Variants in CHRAC1 observed in about 807,000 individuals in gnomAD.
CHRAC1 encodes chromatin accessibility complex subunit 1, also known as chromatin accessibility complex protein 1.
A neutral mutation model predicts 9.1 loss-of-function variants in CHRAC1; 6 were observed. The ratio of observed to expected loss-of-function variants is 0.66; its 90% CI spans 0.36 to 1.29. The LOEUF is 1.29. CHRAC1 is among the 50% of genes most tolerant of loss of function. CHRAC1 has a pLI of 0.03. For synonymous variants in CHRAC1, 73 were observed against 64.5 expected (o/e 1.13, Z -0.63); for missense variants, 168 against 163.5 (o/e 1.03, Z -0.15).
intron 1 of CHRAC1, 34 bp downstream of exon 1, chr8:140,511,680 T>TA (rs768781428): frequency 7.7e-7 from 1 of 1,299,172 alleles, no homozygotes; most frequent in Non-Finnish European, 9.8e-7. Flanking sequence ...GGGCCGCCCT[T>TA]ACCCCTCGCG....
rs57880666 is a variant in CHRAC1 at position 140,513,913 on chromosome 8, C to CTTTTTT, written c.148-436_148-431dup. ...ATGTTTTTCTTTTCCCCAGTGATTT[C>CTTTTTT]TTTTTTTTTTTTTTTTTTTTTTTTT... On this transcript the variant is annotated intron_variant, in intron 1 of 2. Transcript: ENST00000220913. Among the ~76,000 whole-genome samples, 146 of 87,458 alleles carry CTTTTTT rather than the reference C, an allele frequency of 1.7e-3. 4 individuals are homozygous for CTTTTTT. Among genetic ancestry groups the CTTTTTT allele is most frequent in the African/African-American group, 2.1e-3 (49 of 23,118 alleles). 57.4% of individuals were successfully genotyped at this position (87,458 alleles called of 152,430 possible).
rs750505738 is a variant in CHRAC1 at position 140,515,116 on chromosome 8, T to C, written c.275-10T>C. On this transcript the variant is annotated splice_polypyrimidine_tract_variant and intron_variant, in intron 2 of 2. Transcript: ENST00000220913. ...TAACCAATTGCTGATGTACGCTTTA[T>C]GTTTTTAAGATATATTACCAAAGAA... is the stretch of plus-strand genomic sequence containing the variant. The C allele has an allele frequency of 1.5e-5, 24 of 1,610,160 alleles. No homozygotes were observed. Among genetic ancestry groups the C allele is most frequent in the Non-Finnish European group, 1.9e-5 (22 of 1,177,092 alleles).
chr8:140,514,576 T>C, intron 2 of CHRAC1, 81 bp downstream of exon 2: 1 of 1,246,906 alleles, frequency 8.0e-7, no homozygotes, highest in Non-Finnish European at 1.1e-6. Context: ...TCCCTTCTGC[T>C]CTCACGGAAA....
In CHRAC1 at chr8:140,515,459, C is replaced by T; in HGVS notation, c.*212C>T. On this transcript the variant is annotated 3_prime_UTR_variant, in exon 3 of 3. Transcript: ENST00000220913. Reference sequence around the variant, plus strand: ...GCCAGAGGGAAAGCGACCCAGACAGCAGCCCCTCCTCGACAGGCCCACCCT... The same window carrying T: ...GCCAGAGGGAAAGCGACCCAGACAGTAGCCCCTCCTCGACAGGCCCACCCT... 1 of 396,672 alleles carries T rather than the reference C, an allele frequency of 2.5e-6. No homozygotes were observed. Among genetic ancestry groups the T allele is most frequent in the Non-Finnish European group, 4.4e-6 (1 of 225,132 alleles). 24.6% of individuals were successfully genotyped at this position (396,672 alleles called of 1,614,324 possible).
rs2072340628 is a variant in CHRAC1 at position 140,516,633 on chromosome 8, A to C, written c.*1386A>C. 1 of 152,146 alleles carries C rather than the reference A, an allele frequency of 6.6e-6. No individual in the cohort carries two copies. The highest frequency in any genetic ancestry group is 2.1e-4 in the South Asian group (1 of 4,832). The allele number at this position is 152,146 out of a possible 1,614,324, so 9.4% of individuals were successfully genotyped here. ...TTCCTCTCTTCTCCTGCCCCCTAGCAACCACTGGTGTTTTCTGTCCCTCTT... is the reference window on the plus strand; with the variant it reads ...TTCCTCTCTTCTCCTGCCCCCTAGCCACCACTGGTGTTTTCTGTCCCTCTT... On this transcript the variant is annotated 3_prime_UTR_variant, in exon 3 of 3. Coordinates refer to ENST00000220913, the MANE Select transcript of CHRAC1 (RefSeq NM_017444.6).
At chr8:140,514,206 TC>T in intron 1 of CHRAC1, 162 bp from the exon 2 acceptor site, 1 of 729,930 alleles carries the variant, frequency 1.4e-6, no homozygotes, top group Non-Finnish European at 2.0e-6. Flanking sequence ...ACGCCTGGCC[TC>T]CCCAGTGATT....
At chr8:140,512,817 G>T (rs1165309942) in intron 1 of CHRAC1, among the ~76,000 whole-genome samples, 1 of 152,176 alleles carries the variant, frequency 6.6e-6, no homozygotes, top group Admixed American at 6.5e-5. Flanking sequence ...GATTTATGCA[G>T]GCACTTCTGA....
intron 1 of CHRAC1, among the ~76,000 whole-genome samples, chr8:140,513,466 C>A (rs1452076969): frequency 6.6e-6 from 1 of 151,616 alleles, no homozygotes; most frequent in Admixed American, 6.6e-5. Context: ...GACGGAGTCT[C>A]GCTCTGTCGC....
At chr8:140,514,157 C>CA in intron 1 of CHRAC1, 1 of 397,596 alleles carries the variant, frequency 2.5e-6, no homozygotes, top group Non-Finnish European at 4.4e-6. Context: ...CCGCCTGCCT[C>CA]AGCCTCCCAA....
rs766747402 is a variant in CHRAC1, at chr8:140,515,346, T to G, written c.*99T>G. Reference sequence around the variant, plus strand: ...CACTGCCCGCTTTTAGCGTCTTCACTTCTTCACAGAGTTCCAGTGTGTGGT... The same window carrying G: ...CACTGCCCGCTTTTAGCGTCTTCACGTCTTCACAGAGTTCCAGTGTGTGGT... On this transcript the variant is annotated 3_prime_UTR_variant, in exon 3 of 3. Coordinates refer to ENST00000220913, the MANE Select transcript of CHRAC1 (RefSeq NM_017444.6). 2.7e-4 allele frequency: 346 copies of G among 1,274,204 alleles called. No individual in the cohort carries two copies. The highest frequency in any genetic ancestry group is 3.7e-4 in the Non-Finnish European group (338 of 910,332). 78.9% of individuals were successfully genotyped at this position (1,274,204 alleles called of 1,614,324 possible).
intron 1 of CHRAC1, 195 bp downstream of exon 1, chr8:140,511,841 T>C: frequency 2.6e-6 from 2 of 762,454 alleles, no homozygotes; most frequent in Non-Finnish European, 2.1e-6. Context: ...CTCGCGCGTC[T>C]TCGCCCCGCC....
intron 2 of CHRAC1, 95 bp downstream of exon 2, chr8:140,514,590 A>G: frequency 8.9e-7 from 1 of 1,124,806 alleles, no homozygotes. Flanking sequence ...ACGGAAAATT[A>G]GACTTTTTGC....
Position 140,511,352 on chromosome 8 carries a change from C to A in CHRAC1, c.-148C>A. Reference sequence around the variant, plus strand: ...GGAGCTCGTAGTTTCCCGGACGGGCCGCTCCCGGCCTCGCGGCCTCGCCTC... The same window carrying A: ...GGAGCTCGTAGTTTCCCGGACGGGCAGCTCCCGGCCTCGCGGCCTCGCCTC... On this transcript the variant is annotated 5_prime_UTR_variant, in exon 1 of 3. Coordinates refer to ENST00000220913, the MANE Select transcript of CHRAC1 (RefSeq NM_017444.6). 5 of 637,086 alleles carry A rather than the reference C, an allele frequency of 7.8e-6. No individual in the cohort carries two copies. Among genetic ancestry groups the A allele is most frequent in the East Asian group, 3.6e-5 (1 of 27,972 alleles). 39.5% of individuals were successfully genotyped at this position (637,086 alleles called of 1,614,324 possible).
chr8:140,512,044 C>T (rs1396278666), intron 1 of CHRAC1: 6 of 1,283,798 alleles, frequency 4.7e-6, no homozygotes, highest in African/African-American at 4.6e-5. Context: ...CCGCGTTCCT[C>T]TGCGCGCCTT....
Position 140,511,486 on chromosome 8 carries a change from C to T in CHRAC1, c.-14C>T. 1 of 1,315,294 alleles carries T rather than the reference C, an allele frequency of 7.6e-7. No homozygotes were observed. The highest frequency in any genetic ancestry group is 9.8e-7 in the Non-Finnish European group (1 of 1,020,318). 81.5% of individuals were successfully genotyped at this position (1,315,294 alleles called of 1,614,324 possible). On this transcript the variant is annotated 5_prime_UTR_variant, in exon 1 of 3. Coordinates refer to ENST00000220913, the MANE Select transcript of CHRAC1 (RefSeq NM_017444.6). ...GGCCCGCCGGCTGCGGGCACCCGCG[C>T]GACGGGCGGGAAGATGGCGGACGTG...
rs531698853 is a variant in CHRAC1 at position 140,515,450 on chromosome 8, C to G, written c.*203C>G. The G allele has an allele frequency of 1.6e-4, 66 of 418,082 alleles. 1 individual carries two copies. The South Asian group carries it at 2.8e-3, about 18-fold the overall frequency. The allele number at this position is 418,082 out of a possible 1,614,324, so 25.9% of individuals were successfully genotyped here. ...CCACAGACAGCCAGAGGGAAAGCGA[C>G]CCAGACAGCAGCCCCTCCTCGACAG... On this transcript the variant is annotated 3_prime_UTR_variant, in exon 3 of 3. Transcript: ENST00000220913.
Position 140,515,473 on chromosome 8 carries a change from C to G in CHRAC1, c.*226C>G, listed in dbSNP as rs989087978. The G allele has an allele frequency of 2.8e-6, 1 of 351,042 alleles. No individual in the cohort carries two copies. The allele number at this position is 351,042 out of a possible 1,614,324, so 21.7% of individuals were successfully genotyped here. A position where few individuals can be genotyped will look rare whatever the true frequency, so the allele number is the denominator to read the frequency against. ...GACCCAGACAGCAGCCCCTCCTCGACAGGCCCACCCTGCAGCTCAGGCACC... is the reference window on the plus strand; with the variant it reads ...GACCCAGACAGCAGCCCCTCCTCGAGAGGCCCACCCTGCAGCTCAGGCACC... On this transcript the variant is annotated 3_prime_UTR_variant, in exon 3 of 3. Transcript: ENST00000220913.
chr8:140,514,258 T>G, intron 1 of CHRAC1, 111 bp from the exon 2 acceptor site: 1 of 1,176,980 alleles, frequency 8.5e-7, no homozygotes, highest in Non-Finnish European at 1.2e-6. Context: ...ATCTGAAGTC[T>G]TAATATACTT....
In CHRAC1 at chr8:140,515,258, C is replaced by G; in HGVS notation, c.*11C>G. 2 of 1,612,992 alleles carry G rather than the reference C, an allele frequency of 1.2e-6. No homozygotes were observed. The highest frequency in any genetic ancestry group is 1.7e-6 in the Non-Finnish European group (2 of 1,179,648). On this transcript the variant is annotated 3_prime_UTR_variant, in exon 3 of 3. Coordinates refer to ENST00000220913, the MANE Select transcript of CHRAC1 (RefSeq NM_017444.6). ...GAAGCTGACTCCTAAACCAAAAGTG[C>G]TTTAAAAACCAGCCTGGCGAGGACA...
Sources: allele counts gnomAD v4.1 joint callset (sites outside exome capture counted in the v4.1 genomes callset), GRCh38; gene constraint gnomAD v4.1.1; transcripts MANE v1.5; gene names NCBI Gene and HGNC (gene_info 2026-07-23, HGNC 2026-07-21).